Variants in TCERG1L observed in about 807,000 individuals in gnomAD.
The protein encoded by TCERG1L is transcription elongation regulator 1-like protein.
In TCERG1L, 37 loss-of-function variants were observed where a neutral mutation model predicts 56.3. The observed-to-expected ratio is 0.66, with a 90% CI of 0.51 to 0.87. The LOEUF (loss-of-function observed/expected upper bound fraction) is 0.87, where lower values mean the gene tolerates loss of function less well. Among genes scored for constraint, TCERG1L ranks in the 40% least tolerant of loss-of-function variants. TCERG1L has a pLI of 0.00. For synonymous variants in TCERG1L, 324 were observed against 326.3 expected, an observed-to-expected ratio of 0.99 and a Z score of 0.08; for missense variants, 799 against 774.2, an observed-to-expected ratio of 1.03 and a Z score of -0.38.
intron 10 of TCERG1L, among the ~76,000 whole-genome samples, chr10:131,099,763 C>T (rs1004697199): frequency 2.8e-4 from 43 of 152,146 alleles, no homozygotes; most frequent in Admixed American, 3.3e-4. Context: ...GCCACTGGTC[C>T]CCTGAAGATA....
At chr10:131,263,381 T>A (rs1012829602) in intron 3 of TCERG1L, among the ~76,000 whole-genome samples, 10 of 152,206 alleles carry the variant, frequency 6.6e-5, no homozygotes, top group African/African-American at 2.4e-4. Flanking sequence ...AAAAGGCCCC[T>A]CCTGAACTCC....
At chr10:131,111,181 A>T (rs1589777249) in intron 9 of TCERG1L, among the ~76,000 whole-genome samples, 1 of 142,730 alleles carries the variant, frequency 7.0e-6, no homozygotes. Flanking sequence ...GCCCGCTCCG[A>T]CCCTGACACT....
intron 6 of TCERG1L, among the ~76,000 whole-genome samples, chr10:131,147,110 C>T (rs894920874): frequency 9.2e-5 from 14 of 152,140 alleles, no homozygotes; most frequent in Non-Finnish European, 2.1e-4. Context: ...GCAATGCGCA[C>T]GGCCACAGGT....
intron 4 of TCERG1L, among the ~76,000 whole-genome samples, chr10:131,183,971 A>G (rs1193374701): frequency 6.6e-6 from 1 of 152,178 alleles, no homozygotes; most frequent in Non-Finnish European, 1.5e-5. Context: ...TCCCCATCTC[A>G]GTGACCAGCC....
intron 4 of TCERG1L, among the ~76,000 whole-genome samples, chr10:131,212,350 AC>A (rs763449252): frequency 3.5e-4 from 53 of 152,334 alleles, no homozygotes; most frequent in South Asian, 1.5e-3. Flanking sequence ...TTAAGGGTAT[AC>A]CAGTGCATGA....
chr10:131,256,948 A>AAGGAAGGAAGGAAGGAAG (rs1846169449), intron 4 of TCERG1L, among the ~76,000 whole-genome samples: 2 of 60,736 alleles, frequency 3.3e-5, no homozygotes, highest in African/African-American at 1.2e-4. Flanking sequence ...AGGAAGAGAA[A>AAGGAAGGAAGGAAGGAAG]GAAGGAAGGA....
chr10:131,289,234 C>T (rs1354366667), intron 3 of TCERG1L, among the ~76,000 whole-genome samples: 1 of 151,304 alleles, frequency 6.6e-6, no homozygotes, highest in Non-Finnish European at 1.5e-5. Context: ...ATTTCGTGAG[C>T]GTCACGTGAC....
intron 9 of TCERG1L, among the ~76,000 whole-genome samples, chr10:131,112,684 G>A (rs950946412): frequency 2.8e-5 from 4 of 141,942 alleles, no homozygotes; most frequent in African/African-American, 9.9e-5. Flanking sequence ...ATTGCCTTAC[G>A]CTCAGATCCC....
At chr10:131,217,851 A>G (rs571842119) in intron 4 of TCERG1L, among the ~76,000 whole-genome samples, 1 of 151,142 alleles carries the variant, frequency 6.6e-6, no homozygotes, top group South Asian at 2.1e-4. Context: ...CTTCCTGAGT[A>G]GCTAGGACTA....
At chr10:131,307,877 A>G (rs1050987957) in intron 3 of TCERG1L, among the ~76,000 whole-genome samples, 30 of 152,144 alleles carry the variant, frequency 2.0e-4, no homozygotes, top group African/African-American at 7.0e-4. Context: ...CATTTTTTAA[A>G]GAGTAGACTG....
At chr10:131,300,509 C>A (rs1433698122) in intron 3 of TCERG1L, among the ~76,000 whole-genome samples, 1 of 152,134 alleles carries the variant, frequency 6.6e-6, no homozygotes, top group Non-Finnish European at 1.5e-5. Flanking sequence ...AGGAGTTCAT[C>A]AAAGTAATTT....
chr10:131,188,727 T>A (rs925533133), intron 4 of TCERG1L, among the ~76,000 whole-genome samples: 1 of 152,188 alleles, frequency 6.6e-6, no homozygotes, highest in African/African-American at 2.4e-5. Context: ...AAAACCAATT[T>A]AATTCTGAAT....
At position 131,308,276 on chromosome 10, in the gene TCERG1L, AG is replaced by A; in HGVS notation, c.604del (p.Leu202CysfsTer16). The A allele has an allele frequency of 6.2e-7, 1 of 1,614,036 alleles. No individual in the cohort carries two copies. Among genetic ancestry groups the A allele is most frequent in the Non-Finnish European group, 8.5e-7 (1 of 1,179,896 alleles). On this transcript the variant is annotated frameshift_variant, in exon 3 of 12. Coordinates refer to ENST00000368642, the MANE Select transcript of TCERG1L (RefSeq NM_174937.4). LOFTEE classifies it high-confidence loss of function. ...RLLANQVAVSLSRPAPASRPL... is the reference protein window; with the variant it reads ...RLLANQVAVSXSRPAPASRPL... The stretch of plus-strand genomic sequence containing the variant: ...CCTGGAGGCAGGAGCCGGCCTGGAC[AG>A]AGACACAGCTACTTGATTTGCCAGC...
chr10:131,163,072 G>A (rs1331491178), intron 6 of TCERG1L, 50 bp downstream of exon 6: 4 of 1,406,228 alleles, frequency 2.8e-6, no homozygotes, highest in Admixed American at 2.8e-5. Context: ...GCAAATGCCA[G>A]GACCAGACAA....
intron 4 of TCERG1L, among the ~76,000 whole-genome samples, chr10:131,174,643 C>A (rs987921829): frequency 6.6e-6 from 1 of 152,200 alleles, no homozygotes; most frequent in Non-Finnish European, 1.5e-5. Flanking sequence ...ATTTCTGAGT[C>A]CTCCTAAATT....
chr10:131,167,117 A>AC (rs1423349520), intron 4 of TCERG1L, among the ~76,000 whole-genome samples: 20 of 152,200 alleles, frequency 1.3e-4, no homozygotes, highest in Admixed American at 1.3e-3. Flanking sequence ...AGGCCTGGGC[A>AC]CACACATGCA....
intron 3 of TCERG1L, among the ~76,000 whole-genome samples, chr10:131,280,419 T>C (rs1410650027): frequency 1.5e-5 from 2 of 129,662 alleles, no homozygotes; most frequent in African/African-American, 3.0e-5. Flanking sequence ...CAAAGCCAAG[T>C]TGGGAAGACT....
intron 2 of TCERG1L, 68 bp downstream of exon 2, chr10:131,309,085 G>T: frequency 6.5e-7 from 1 of 1,542,780 alleles, no homozygotes; most frequent in Non-Finnish European, 8.7e-7. Context: ...TATTTTTGTT[G>T]TTATGTCGAT....
intron 4 of TCERG1L, among the ~76,000 whole-genome samples, chr10:131,249,229 G>A (rs1360537034): frequency 1.3e-5 from 2 of 152,246 alleles, no homozygotes; most frequent in African/African-American, 4.8e-5. Context: ...ATTGTCTTAA[G>A]CAGATATAAG....
Sources: gnomAD v4.1 joint callset for allele counts (sites outside exome capture counted in the v4.1 genomes callset) on GRCh38, gnomAD v4.1.1 for gene constraint, MANE v1.5 for transcripts, NCBI Gene and HGNC (gene_info 2026-07-23, HGNC 2026-07-21) for gene names.